The following CDH26 variants were observed in gnomAD, a reference collection of about 807,000 sequenced individuals.
CDH26 encodes cadherin 26.
CDH26 carries 83 observed loss-of-function variants against 90.3 expected under a neutral mutation model. That is an observed-to-expected ratio of 0.92 (90% CI 0.77 to 1.10). CDH26 has a LOEUF of 1.10. Ranked by LOEUF, CDH26 falls within the 50% of genes least tolerant of loss-of-function variation. The pLI is 0.00. For missense variants in CDH26, 1,013 were observed against 1,037.6 expected (o/e 0.98, Z 0.33); for synonymous variants, 397 against 396.3 (o/e 1.00, Z -0.02).
chr20:60,007,452 G>T (rs1475342011), intron 17 of CDH26, among the ~76,000 whole-genome samples: 7 of 152,122 alleles, frequency 4.6e-5, no homozygotes, highest in Non-Finnish European at 1.0e-4. Flanking sequence ...TGCAAGGCAG[G>T]GCTAACTCAT....
At chr20:59,960,837 C>T (rs985638847) in intron 1 of CDH26, among the ~76,000 whole-genome samples, 3 of 152,212 alleles carry the variant, frequency 2.0e-5, no homozygotes, top group Non-Finnish European at 4.4e-5. Context: ...AGTTCAGTAA[C>T]GACCCAGCCG....
intron 1 of CDH26, among the ~76,000 whole-genome samples, chr20:59,968,317 G>C (rs765801391): frequency 6.6e-6 from 1 of 151,808 alleles, no homozygotes; most frequent in East Asian, 1.9e-4. Context: ...AGTTGCTCTC[G>C]AACTCCTGAC....
chr20:59,968,588 A>T (rs1168619421), intron 1 of CDH26, among the ~76,000 whole-genome samples: 1 of 152,174 alleles, frequency 6.6e-6, no homozygotes, highest in African/African-American at 2.4e-5. Context: ...AACAAAAGAA[A>T]AGCCCACTTA....
At chr20:59,967,813 A>ATTTTTC (rs1337342795) in intron 1 of CDH26, among the ~76,000 whole-genome samples, 5 of 43,990 alleles carry the variant, frequency 1.1e-4, no homozygotes, top group Admixed American at 6.0e-4. Flanking sequence ...TCCCTCCCTC[A>ATTTTTC]TTTCTTTCTT....
intron 8 of CDH26, among the ~76,000 whole-genome samples, chr20:60,033,164 G>A (rs1207636367): frequency 6.6e-6 from 1 of 152,188 alleles, no homozygotes; most frequent in Non-Finnish European, 1.5e-5. Context: ...GCTTGATTAA[G>A]TGTATTCAAC....
chr20:60,005,482 A>C (rs1038357616), intron 16 of CDH26, among the ~76,000 whole-genome samples: 3 of 140,098 alleles, frequency 2.1e-5, no homozygotes, highest in African/African-American at 8.1e-5. Context: ...ATATATCTGT[A>C]TGTATGTATG....
chr20:60,029,032 A>G (rs1334314319), intron 7 of CDH26, among the ~76,000 whole-genome samples: 1 of 152,220 alleles, frequency 6.6e-6, no homozygotes, highest in East Asian at 1.9e-4. Context: ...ATTTGCAACA[A>G]CATGGATAGG....
At position 60,001,413 on chromosome 20, in the gene CDH26, T is replaced by C; in HGVS notation, c.2166+2T>C. 6.2e-7 allele frequency: 1 copy of C among 1,613,684 alleles called. No homozygotes were observed. Reference sequence around the variant, plus strand: ...GCACGCTGTGCTCTGGGGAGCTGGGTGAGTTCCAGAAGGTTGCTCCCTGCT... The same window carrying C: ...GCACGCTGTGCTCTGGGGAGCTGGGCGAGTTCCAGAAGGTTGCTCCCTGCT... On this transcript the variant is annotated splice_donor_variant, in intron 15 of 17. Coordinates refer to ENST00000348616, the MANE Select transcript of CDH26 (RefSeq NM_177980.4). LOFTEE classifies it high-confidence loss of function.
chr20:60,013,739 C>G lies in CDH26; in HGVS notation c.*1009C>G, dbSNP rs2061878244. On this transcript the variant is annotated 3_prime_UTR_variant, in exon 18 of 18. Coordinates refer to ENST00000348616, the MANE Select transcript of CDH26 (RefSeq NM_177980.4). Reference sequence around the variant, plus strand: ...CATGTTTGCTGGTGAATCAGTGAAGCATTATGTTAAACAGTGAGTTACAGC... The same window carrying G: ...CATGTTTGCTGGTGAATCAGTGAAGGATTATGTTAAACAGTGAGTTACAGC... 1 of 152,158 alleles carries G rather than the reference C, an allele frequency of 6.6e-6. No homozygotes were observed. Among genetic ancestry groups the G allele is most frequent in the Non-Finnish European group, 1.5e-5 (1 of 68,030 alleles). The allele number at this position is 152,158 out of a possible 1,614,324, so 9.4% of individuals were successfully genotyped here.
At chr20:60,031,106 C>T (rs1285610492) in intron 7 of CDH26, 2 of 986,984 alleles carry the variant, frequency 2.0e-6, no homozygotes, top group Non-Finnish European at 2.4e-6. Flanking sequence ...AGGATAACTT[C>T]CTGATGTTGC....
rs200972223 is a variant in CDH26, at chr20:59,989,028, T to G, written c.1148T>G (p.Val383Gly). ...AGGAAGGCAGCAGCCAGCGCCACTG[T>G]GAGTGTGCAGGTGACAGACGCCAAC... ...PPRKAAASAT[V>G]SVQVTDANDP... Residue 383 changes from valine to glycine, a missense_variant, in exon 9 of 18, where the codon GTG (valine) becomes GGG (glycine). Coordinates refer to ENST00000348616, the MANE Select transcript of CDH26 (RefSeq NM_177980.4). 6.2e-7 allele frequency: 1 copy of G among 1,614,102 alleles called. No homozygotes were observed. Among genetic ancestry groups the G allele is most frequent in the East Asian group, 2.2e-5 (1 of 44,878 alleles).
intron 13 of CDH26, among the ~76,000 whole-genome samples, chr20:59,998,179 C>A (rs865983992): frequency 6.6e-6 from 1 of 152,250 alleles, no homozygotes; most frequent in Non-Finnish European, 1.5e-5. Flanking sequence ...TGGACAGTTC[C>A]AGTGGCTCAG....
At chr20:59,989,909 G>C (rs930109939) in intron 9 of CDH26, among the ~76,000 whole-genome samples, 2 of 152,112 alleles carry the variant, frequency 1.3e-5, no homozygotes, top group Non-Finnish European at 2.9e-5. Context: ...ATTTGTAAGG[G>C]TACGGGTCAG....
rs1367996898 is a variant in CDH26, at chr20:60,001,405, G to T, written c.2160G>T (p.Gly720=). 2 of 1,613,716 alleles carry T rather than the reference G, an allele frequency of 1.2e-6. No individual in the cohort carries two copies. The highest frequency in any genetic ancestry group is 1.7e-6 in the Non-Finnish European group (2 of 1,179,926). Residue 720 remains glycine, a synonymous_variant, in exon 15 of 18, where the codon GGG becomes GGT. Coordinates refer to ENST00000348616, the MANE Select transcript of CDH26 (RefSeq NM_177980.4). ...SQSAQARCAL[G]SWGYGKPFEP... ...CAGCCCAAGCACGCTGTGCTCTGGG[G>T]AGCTGGGTGAGTTCCAGAAGGTTGC...
intron 17 of CDH26, among the ~76,000 whole-genome samples, chr20:60,010,997 T>C (rs959790289): frequency 6.6e-6 from 1 of 152,220 alleles, no homozygotes; most frequent in African/African-American, 2.4e-5. Context: ...ATCAGTCACG[T>C]AGCCACATCT....
At chr20:59,967,830 T>TTTCC (rs2061173048) in intron 1 of CDH26, among the ~76,000 whole-genome samples, 1 of 73,122 alleles carries the variant, frequency 1.4e-5, no homozygotes, top group Non-Finnish European at 2.4e-5. Context: ...TCTTTCTTTC[T>TTTCC]TTCTTTCTTT....
At chr20:59,996,547 A>T (rs750370456) in intron 12 of CDH26, 84 bp from the exon 13 acceptor site, 11 of 1,614,076 alleles carry the variant, frequency 6.8e-6, no homozygotes, top group Admixed American at 1.7e-5. Flanking sequence ...TGACTGAGTT[A>T]TACATGAACA....
chr20:60,031,368 A>C, exon 8 of CDH26: 1 of 1,276,092 alleles, frequency 7.8e-7, no homozygotes, highest in Non-Finnish European at 1.0e-6. Context: ...GTAAACGGAA[A>C]CACGGGGCTT....
At chr20:60,026,552 C>T (rs1485619567) in intron 7 of CDH26, among the ~76,000 whole-genome samples, 6 of 152,178 alleles carry the variant, frequency 3.9e-5, no homozygotes, top group Non-Finnish European at 7.3e-5. Context: ...TGGATGGCCT[C>T]CAGGATCTGA....
Sources: allele counts gnomAD v4.1 joint callset (sites outside exome capture counted in the v4.1 genomes callset), GRCh38; gene constraint gnomAD v4.1.1; transcripts MANE v1.5; gene names NCBI Gene and HGNC (gene_info 2026-07-23, HGNC 2026-07-21).